KCNMB2: variants seen among roughly 807,000 people sequenced by gnomAD.
The protein encoded by KCNMB2 is calcium-activated potassium channel subunit beta-2.
KCNMB2 carries 9 observed loss-of-function variants against 24.5 expected under a neutral mutation model. That is an observed-to-expected ratio of 0.37 (90% CI 0.22 to 0.64). KCNMB2 has a LOEUF of 0.64. Among genes scored for constraint, KCNMB2 ranks in the 30% least tolerant of loss-of-function variants. The pLI is 0.63. For synonymous variants in KCNMB2, 109 were observed against 104.4 expected (o/e 1.04, Z -0.27); for missense variants, 226 against 284.3 (o/e 0.79, Z 1.47).
At chr3:178,788,439 A>G (rs1468103320) in intron 1 of KCNMB2, among the ~76,000 whole-genome samples, 1 of 152,166 alleles carries the variant, frequency 6.6e-6, no homozygotes, top group Non-Finnish European at 1.5e-5. Flanking sequence ...GAAGGGCTTT[A>G]TGTATCAGTA....
intron 1 of KCNMB2, among the ~76,000 whole-genome samples, chr3:178,658,393 A>T (rs1304966696): frequency 6.6e-6 from 1 of 152,202 alleles, no homozygotes; most frequent in Non-Finnish European, 1.5e-5. Context: ...AGTTAAATGA[A>T]TCTTCATTAT....
At chr3:178,809,140 A>G (rs938823991) in intron 2 of KCNMB2, among the ~76,000 whole-genome samples, 3 of 152,162 alleles carry the variant, frequency 2.0e-5, no homozygotes, top group African/African-American at 7.2e-5. Context: ...GTCATTTCAA[A>G]TTCTATATTT....
intron 1 of KCNMB2, among the ~76,000 whole-genome samples, chr3:178,649,265 A>G (rs1365191215): frequency 6.6e-6 from 1 of 152,116 alleles, no homozygotes; most frequent in Non-Finnish European, 1.5e-5. Context: ...AGTCTTGTTC[A>G]ATAAATTCTT....
At chr3:178,796,056 CT>C (rs1169503526) in intron 1 of KCNMB2, among the ~76,000 whole-genome samples, 1 of 151,870 alleles carries the variant, frequency 6.6e-6, no homozygotes, top group Non-Finnish European at 1.5e-5. Context: ...CACCTTTATG[CT>C]TGTGAAGTCA....
rs190038278 is a variant in KCNMB2 at position 178,583,623 on chromosome 3, C to A, written c.-68+46912C>A. 4.6e-5 allele frequency among the ~76,000 whole-genome samples: 7 copies of A among 152,240 alleles called. No individual in the cohort carries two copies. The East Asian group carries it at 1.4e-3, about 29-fold the overall frequency. On this transcript the variant is annotated intron_variant, in intron 1 of 4. Transcript: ENST00000452583. Reference sequence around the variant, plus strand: ...AATTTAAAAGCAGAATAAAAATTTCCTTTTCACAGCTAAAATCTACTAGCT... The same window carrying A: ...AATTTAAAAGCAGAATAAAAATTTCATTTTCACAGCTAAAATCTACTAGCT...
intron 1 of KCNMB2, among the ~76,000 whole-genome samples, chr3:178,552,589 T>C (rs1299993574): frequency 6.6e-6 from 1 of 152,206 alleles, no homozygotes; most frequent in African/African-American, 2.4e-5. Flanking sequence ...ATGGGGCTGC[T>C]TTTCTATAAA....
chr3:178,691,107 C>CTTTTTTTTTT (rs71181241), intron 1 of KCNMB2, among the ~76,000 whole-genome samples: 1,137 of 79,700 alleles, frequency 0.014, 184 homozygotes, highest in Non-Finnish European at 0.019. Flanking sequence ...CCCATTAAGT[C>CTTTTTTTTTT]TTTTTTTTTT....
chr3:178,821,979 A>C (rs964211442), intron 2 of KCNMB2, among the ~76,000 whole-genome samples: 4 of 152,162 alleles, frequency 2.6e-5, no homozygotes, highest in Non-Finnish European at 5.9e-5. Context: ...CCTGTTTCTT[A>C]AACTCTGCAC....
At chr3:178,772,646 C>G (rs1367113192) in intron 1 of KCNMB2, among the ~76,000 whole-genome samples, 5 of 152,176 alleles carry the variant, frequency 3.3e-5, no homozygotes, top group Non-Finnish European at 7.3e-5. Context: ...TAAAAGTGGA[C>G]TAATACAGTA....
Position 178,842,943 on chromosome 3 carries a change from A to G in KCNMB2, c.*6A>G, listed in dbSNP as rs1178122362. On this transcript the variant is annotated 3_prime_UTR_variant, in exon 5 of 5. Transcript: ENST00000452583. ...TCCAACGGATCAATAGATAAATGCA[A>G]AAATGGATAAAATAATTTTTGTTAA... 1.9e-6 allele frequency: 3 copies of G among 1,586,588 alleles called. No individual in the cohort carries two copies. Among genetic ancestry groups the G allele is most frequent in the Non-Finnish European group, 2.6e-6 (3 of 1,165,824 alleles).
chr3:178,580,738 G>A (rs1204404355), intron 1 of KCNMB2, among the ~76,000 whole-genome samples: 1 of 152,220 alleles, frequency 6.6e-6, no homozygotes, highest in African/African-American at 2.4e-5. Context: ...CAAACAGGGA[G>A]CCAAATCATG....
intron 1 of KCNMB2, among the ~76,000 whole-genome samples, chr3:178,740,757 C>T (rs1469362803): frequency 6.6e-6 from 1 of 152,182 alleles, no homozygotes; most frequent in Non-Finnish European, 1.5e-5. Flanking sequence ...CCTTAATGAA[C>T]ACACATGTTG....
chr3:178,679,048 TTTTG>T (rs1456744699), intron 1 of KCNMB2, among the ~76,000 whole-genome samples: 3 of 74,118 alleles, frequency 4.0e-5, no homozygotes, highest in South Asian at 6.7e-4. Flanking sequence ...TTGTTTTTTG[TTTTG>T]TTTTTGTTTT....
rs1304394727 is a variant in KCNMB2 at position 178,722,267 on chromosome 3, T to C, written c.-67-85076T>C. 2.6e-5 allele frequency among the ~76,000 whole-genome samples: 4 copies of C among 152,344 alleles called. No homozygotes were observed. The East Asian group carries it at 7.7e-4, about 29-fold the overall frequency. On this transcript the variant is annotated intron_variant, in intron 1 of 4. Transcript: ENST00000452583. ...TTACACACATATATACATATATAATTGTTCCAATAGCCTTGTTGAAAAGAC... is the reference window on the plus strand; with the variant it reads ...TTACACACATATATACATATATAATCGTTCCAATAGCCTTGTTGAAAAGAC...
chr3:178,752,647 G>T (rs1027620730), intron 1 of KCNMB2, among the ~76,000 whole-genome samples: 11 of 152,128 alleles, frequency 7.2e-5, no homozygotes, highest in Non-Finnish European at 1.6e-4. Flanking sequence ...ACCCTGAGAG[G>T]CCAGTTAGAA....
At chr3:178,586,767 A>T (rs979062574) in intron 1 of KCNMB2, among the ~76,000 whole-genome samples, 66 of 150,160 alleles carry the variant, frequency 4.4e-4, no homozygotes, top group Non-Finnish European at 1.0e-4. Flanking sequence ...CTCGTCTCGA[A>T]CTCCTGACCT....
At chr3:178,712,399 G>A (rs1398400981) in intron 1 of KCNMB2, among the ~76,000 whole-genome samples, 1 of 152,134 alleles carries the variant, frequency 6.6e-6, no homozygotes, top group Non-Finnish European at 1.5e-5. Context: ...AATAAGTGTG[G>A]GGTTACGTTG....
intron 2 of KCNMB2, among the ~76,000 whole-genome samples, chr3:178,818,923 T>C (rs1714514487): frequency 8.5e-6 from 1 of 117,476 alleles, no homozygotes; most frequent in Non-Finnish European, 1.7e-5. Flanking sequence ...ATATTCTGCC[T>C]GGATACTCTT....
At chr3:178,775,125 G>A (rs1712527738) in intron 1 of KCNMB2, among the ~76,000 whole-genome samples, 1 of 152,126 alleles carries the variant, frequency 6.6e-6, no homozygotes, top group Non-Finnish European at 1.5e-5. Context: ...TGACTTTCTG[G>A]ACCAAGAACT....
Sources: allele counts gnomAD v4.1 joint callset (sites outside exome capture counted in the v4.1 genomes callset), GRCh38; gene constraint gnomAD v4.1.1; transcripts MANE v1.5; gene names NCBI Gene and HGNC (gene_info 2026-07-23, HGNC 2026-07-21).